ZCCHC14: variants seen among roughly 807,000 people sequenced by gnomAD.
ZCCHC14 encodes zinc finger CCHC-type containing 14.
Under a neutral mutation model 85.0 loss-of-function variants are expected in ZCCHC14, and 16 were observed. The observed-to-expected ratio is 0.19, with a 90% CI of 0.13 to 0.29. The LOEUF (loss-of-function observed/expected upper bound fraction) is 0.29, where lower values mean the gene tolerates loss of function less well. ZCCHC14 is among the 10% of genes least tolerant of loss of function. ZCCHC14 has a pLI of 1.00. For synonymous variants in ZCCHC14, 775 were observed against 630.7 expected (o/e 1.23, Z -3.43); for missense variants, 1,303 against 1,443.5 (o/e 0.90, Z 1.58).
chr16:87,414,651 C>T (rs1008996423), intron 9 of ZCCHC14, 110 bp from the exon 10 acceptor site: 17 of 1,435,976 alleles, frequency 1.2e-5, no homozygotes, highest in East Asian at 2.5e-5. Flanking sequence ...TGATACAGGG[C>T]GACTTCGAGA....
intron 3 of ZCCHC14, among the ~76,000 whole-genome samples, chr16:87,431,985 A>C (rs767314496): frequency 7.2e-5 from 11 of 152,204 alleles, no homozygotes; most frequent in Non-Finnish European, 1.6e-4. Flanking sequence ...CAAATGAAAA[A>C]CGCACAGCGT....
intron 1 of ZCCHC14, among the ~76,000 whole-genome samples, chr16:87,463,867 T>C (rs1028330382): frequency 1.3e-5 from 2 of 151,830 alleles, no homozygotes; most frequent in Non-Finnish European, 2.9e-5. Context: ...TCACTCAGGC[T>C]GGAATGCAGT....
At chr16:87,453,408 G>A (rs943535670) in intron 2 of ZCCHC14, among the ~76,000 whole-genome samples, 7 of 152,260 alleles carry the variant, frequency 4.6e-5, no homozygotes, top group African/African-American at 7.2e-5. Context: ...GGGAGGGTGC[G>A]GGTTTGTGCT....
chr16:87,455,970 T>C (rs927701550), intron 2 of ZCCHC14, among the ~76,000 whole-genome samples: 20 of 152,236 alleles, frequency 1.3e-4, no homozygotes, highest in African/African-American at 4.6e-4. Flanking sequence ...GTGTATTCAC[T>C]GCATTGCAAC....
At chr16:87,454,412 C>T (rs936756040) in intron 2 of ZCCHC14, among the ~76,000 whole-genome samples, 47 of 152,274 alleles carry the variant, frequency 3.1e-4, no homozygotes, top group Admixed American at 1.6e-3. Context: ...AAATGGCCCA[C>T]GGCATACAGC....
intron 1 of ZCCHC14, among the ~76,000 whole-genome samples, chr16:87,475,494 A>G (rs1205060957): frequency 2.0e-5 from 3 of 148,820 alleles, no homozygotes; most frequent in Non-Finnish European, 4.4e-5. Context: ...CGGAGGTTGC[A>G]GTGAGCCGAG....
chr16:87,435,050 C>T (rs1464381002), intron 2 of ZCCHC14, among the ~76,000 whole-genome samples: 2 of 150,152 alleles, frequency 1.3e-5, no homozygotes, highest in East Asian at 2.0e-4. Flanking sequence ...TCAGAAACTC[C>T]TTGTAAACTG....
chr16:87,417,327 C>G, intron 8 of ZCCHC14, 133 bp downstream of exon 8: 1 of 1,364,544 alleles, frequency 7.3e-7, no homozygotes, highest in Non-Finnish European at 1.0e-6. Flanking sequence ...CACCGTCTCC[C>G]TTAAGAACAG....
intron 1 of ZCCHC14, among the ~76,000 whole-genome samples, chr16:87,475,949 G>T (rs995790950): frequency 1.3e-5 from 2 of 152,208 alleles, no homozygotes; most frequent in Non-Finnish European, 2.9e-5. Flanking sequence ...ACACATCACA[G>T]TCAGGCTGCT....
At chr16:87,476,837 G>A (rs1912027080) in intron 1 of ZCCHC14, among the ~76,000 whole-genome samples, 1 of 152,012 alleles carries the variant, frequency 6.6e-6, no homozygotes, top group East Asian at 1.9e-4. Context: ...TGTCAAAACT[G>A]AAGTGGTGGC....
chr16:87,467,419 C>G, intron 1 of ZCCHC14: 5 of 1,602,364 alleles, frequency 3.1e-6, no homozygotes, highest in Non-Finnish European at 4.3e-6. Flanking sequence ...TCTCCTGGAG[C>G]AAATATGATT....
Position 87,417,663 on chromosome 16 carries a change from C to T in ZCCHC14, c.1180G>A (p.Ala394Thr), listed in dbSNP as rs890816684. The T allele has an allele frequency of 5.6e-6, 9 of 1,612,244 alleles. No homozygotes were observed. The highest frequency in any genetic ancestry group is 5.3e-5 in the African/African-American group (4 of 75,040). ...HHGQHPAGSA[A>T]PLPHCSHAGS... Reference sequence around the variant, plus strand: ...GCATGGGAGCAGTGAGGCAAGGGGGCGGCGGAGCCGGCCGGGTGCTGCCCG... The same window carrying T: ...GCATGGGAGCAGTGAGGCAAGGGGGTGGCGGAGCCGGCCGGGTGCTGCCCG... Residue 394 changes from alanine to threonine, a missense_variant, in exon 8 of 13, where the codon GCC becomes ACC. By Grantham distance (58) the Ala-to-Thr change is moderately conservative. Around this residue, in one of 7 missense-constraint regions of ZCCHC14, gnomAD observed 389 missense variants for 397.8 expected, o/e 0.98. Coordinates refer to ENST00000671377, the MANE Select transcript of ZCCHC14 (RefSeq NM_015144.3).
At chr16:87,468,337 A>C (rs1425636738) in intron 1 of ZCCHC14, among the ~76,000 whole-genome samples, 2 of 152,154 alleles carry the variant, frequency 1.3e-5, no homozygotes, top group African/African-American at 4.8e-5. Flanking sequence ...TCATTAAGAG[A>C]TATCTTAAGG....
intron 1 of ZCCHC14, among the ~76,000 whole-genome samples, chr16:87,466,472 G>A (rs1911524576): frequency 6.6e-6 from 1 of 152,178 alleles, no homozygotes; most frequent in South Asian, 2.1e-4. Context: ...TTTTCTTTGT[G>A]CCAGCGACCT....
At chr16:87,432,766 G>C (rs1909725258) in intron 3 of ZCCHC14, among the ~76,000 whole-genome samples, 2 of 152,210 alleles carry the variant, frequency 1.3e-5, no homozygotes, top group Admixed American at 6.5e-5. Flanking sequence ...TCCCTGCCCA[G>C]ACCAAGGAGC....
At chr16:87,413,318 C>G (rs1908583497) in intron 10 of ZCCHC14, 123 bp from the exon 11 acceptor site, 1 of 1,376,324 alleles carries the variant, frequency 7.3e-7, no homozygotes, top group Non-Finnish European at 9.5e-7. Context: ...CTCTGAGAGT[C>G]AGAAAACGAA....
intron 2 of ZCCHC14, among the ~76,000 whole-genome samples, chr16:87,433,647 T>C (rs115148087): frequency 0.021 from 3,151 of 151,390 alleles, 30 homozygotes; most frequent in Middle Eastern, 0.048. Flanking sequence ...ACCTGGGGGG[T>C]CTCTTCTATG....
chr16:87,425,356 C>A (rs1045683777), intron 3 of ZCCHC14, among the ~76,000 whole-genome samples: 11 of 152,084 alleles, frequency 7.2e-5, no homozygotes, highest in Non-Finnish European at 2.9e-5. Flanking sequence ...GTGGGCGGAT[C>A]ACCTGAGGTC....
At chr16:87,439,664 GTATAAC>G (rs1201681786) in intron 2 of ZCCHC14, among the ~76,000 whole-genome samples, 1 of 152,062 alleles carries the variant, frequency 6.6e-6, no homozygotes, top group South Asian at 2.1e-4. Flanking sequence ...AAAGATGTAG[GTATAAC>G]TATGAGATAT....
Sources: allele counts gnomAD v4.1 joint callset (sites outside exome capture counted in the v4.1 genomes callset), GRCh38; gene constraint gnomAD v4.1.1; regional missense constraint gnomAD v4.1.1; transcripts MANE v1.5; gene names NCBI Gene and HGNC (gene_info 2026-07-23, HGNC 2026-07-21).